SLC39A9: variants seen among roughly 807,000 people sequenced by gnomAD.
The protein encoded by SLC39A9 is zinc transporter ZIP9.
A neutral mutation model predicts 28.4 loss-of-function variants in SLC39A9; 14 were observed. That is an observed-to-expected ratio of 0.49 (90% CI 0.33 to 0.77). The LOEUF (loss-of-function observed/expected upper bound fraction) is 0.77, where lower values mean the gene tolerates loss of function less well. SLC39A9 is among the 30% of genes least tolerant of loss of function. The pLI is 0.02. For missense variants in SLC39A9, 283 were observed against 381.1 expected, an observed-to-expected ratio of 0.74 and a Z score of 2.14; for synonymous variants, 119 against 149.6, an observed-to-expected ratio of 0.80 and a Z score of 1.49.
At chr14:69,440,150 A>G (rs1884972936) in intron 2 of SLC39A9, among the ~76,000 whole-genome samples, 1 of 152,054 alleles carries the variant, frequency 6.6e-6, no homozygotes, top group Non-Finnish European at 1.5e-5. Context: ...AGAACTCACC[A>G]TGTAGTACAC....
intron 2 of SLC39A9, among the ~76,000 whole-genome samples, chr14:69,436,844 T>G (rs972216703): frequency 1.3e-5 from 2 of 152,178 alleles, no homozygotes; most frequent in Admixed American, 6.5e-5. Context: ...CACCACATAG[T>G]TCCATGTGAC....
chr14:69,430,290 CTCTTT>C (rs893062145), intron 2 of SLC39A9, among the ~76,000 whole-genome samples: 1 of 152,148 alleles, frequency 6.6e-6, no homozygotes, highest in Non-Finnish European at 1.5e-5. Flanking sequence ...CAAAGTTATT[CTCTTT>C]TGTTTTCTTC....
intron 3 of SLC39A9, among the ~76,000 whole-genome samples, chr14:69,451,238 G>A (rs1276814687): frequency 6.6e-6 from 1 of 152,134 alleles, no homozygotes; most frequent in East Asian, 1.9e-4. Context: ...ATTAATAAGA[G>A]GTAATATCTT....
chr14:69,402,329 C>T (rs1236668674), intron 1 of SLC39A9, among the ~76,000 whole-genome samples: 1 of 152,042 alleles, frequency 6.6e-6, no homozygotes, highest in African/African-American at 2.4e-5. Flanking sequence ...GGCCCACGAG[C>T]CATGAGTTGG....
chr14:69,405,267 C>T (rs576838060), intron 1 of SLC39A9, among the ~76,000 whole-genome samples: 5 of 152,202 alleles, frequency 3.3e-5, no homozygotes, highest in South Asian at 2.1e-4. Flanking sequence ...TTGAGTTACC[C>T]GCAAATCAAA....
intron 1 of SLC39A9, among the ~76,000 whole-genome samples, chr14:69,420,156 T>C (rs761733801): frequency 2.0e-4 from 31 of 152,358 alleles, no homozygotes; most frequent in Non-Finnish European, 3.8e-4. Flanking sequence ...TTTCCATGTT[T>C]AGTGCTTCCT....
Position 69,462,085 on chromosome 14 carries a change from C to G in SLC39A9, c.*3492C>G, listed in dbSNP as rs1886134736. The stretch of plus-strand genomic sequence containing the variant: ...GTGTAACTTGTGGGAAAGAACTAGA[C>G]AACCATTTAGGAATTCTCTAGATAT... On this transcript the variant is annotated 3_prime_UTR_variant, in exon 7 of 7. Coordinates refer to ENST00000336643, the MANE Select transcript of SLC39A9 (RefSeq NM_018375.5). 1.1e-5 allele frequency: 2 copies of G among 185,864 alleles called. No individual in the cohort carries two copies. The highest frequency in any genetic ancestry group is 4.7e-5 in the African/African-American group (2 of 42,774). The allele number at this position is 185,864 out of a possible 1,614,324, so 11.5% of individuals were successfully genotyped here.
chr14:69,451,332 C>T (rs1197494154), intron 3 of SLC39A9, among the ~76,000 whole-genome samples: 2 of 152,224 alleles, frequency 1.3e-5, no homozygotes, highest in African/African-American at 4.8e-5. Flanking sequence ...CTGTAACTTA[C>T]TTGACTGATG....
chr14:69,400,010 G>T (rs755852863), intron 1 of SLC39A9, among the ~76,000 whole-genome samples: 9 of 152,056 alleles, frequency 5.9e-5, no homozygotes, highest in Admixed American at 1.3e-4. Context: ...GCAGTGAGCC[G>T]TGTTTGGGCC....
chr14:69,419,449 A>G (rs553738934), intron 1 of SLC39A9, among the ~76,000 whole-genome samples: 12 of 152,220 alleles, frequency 7.9e-5, no homozygotes, highest in East Asian at 7.7e-4. Context: ...GATAAGTGCA[A>G]TGTGGTGCTG....
Position 69,459,627 on chromosome 14 carries a change from T to C in SLC39A9, c.*1034T>C. 10 of 984,098 alleles carry C rather than the reference T, an allele frequency of 1.0e-5. No homozygotes were observed. Among genetic ancestry groups the C allele is most frequent in the Non-Finnish European group, 1.2e-5 (10 of 828,848 alleles). The allele number at this position is 984,098 out of a possible 1,614,324, so 61.0% of individuals were successfully genotyped here. ...CTAGGGACCTAAATACTAGGTCAGC[T>C]TTGGCGACACTGTGTCTTCTCACAT... On this transcript the variant is annotated 3_prime_UTR_variant, in exon 7 of 7. Coordinates refer to ENST00000336643, the MANE Select transcript of SLC39A9 (RefSeq NM_018375.5).
At chr14:69,425,695 T>C (rs1034608474) in intron 2 of SLC39A9, among the ~76,000 whole-genome samples, 1 of 152,000 alleles carries the variant, frequency 6.6e-6, no homozygotes, top group African/African-American at 2.4e-5. Flanking sequence ...TGAGACATGG[T>C]CTCACTCTGT....
chr14:69,461,942 T>A lies in SLC39A9; in HGVS notation c.*3349T>A, dbSNP rs558192662. ...GAGGAACCTTCCTTCCATTAGAAAA[T>A]TTCTGCTCAATACAGAATGGTCCAC... On this transcript the variant is annotated 3_prime_UTR_variant, in exon 7 of 7. Transcript: ENST00000336643. 1.9e-6 allele frequency: 1 copy of A among 523,540 alleles called. No homozygotes were observed. The highest frequency in any genetic ancestry group is 1.9e-5 in the African/African-American group (1 of 53,084). 32.4% of individuals were successfully genotyped at this position (523,540 alleles called of 1,614,324 possible).
At chr14:69,438,360 G>A (rs1378304135) in intron 2 of SLC39A9, among the ~76,000 whole-genome samples, 4 of 152,094 alleles carry the variant, frequency 2.6e-5, no homozygotes, top group South Asian at 2.1e-4. Flanking sequence ...ACTTTTCTTC[G>A]TACTTCAAGA....
chr14:69,458,901 AGAG>A lies in SLC39A9; in HGVS notation c.*312_*314del. ...AAGATGGAATTTAGTTTTAAGGAAA[AGAG>A]GAGAACTTCATACTCACAATGAAAT... On this transcript the variant is annotated 3_prime_UTR_variant, in exon 7 of 7. Transcript: ENST00000336643. The A allele has an allele frequency of 5.5e-6, 6 of 1,094,812 alleles. No homozygotes were observed. The highest frequency in any genetic ancestry group is 6.7e-6 in the Non-Finnish European group (6 of 898,770). The allele number at this position is 1,094,812 out of a possible 1,614,324, so 67.8% of individuals were successfully genotyped here.
chr14:69,423,503 G>A (rs751629732), intron 1 of SLC39A9, among the ~76,000 whole-genome samples: 3 of 152,156 alleles, frequency 2.0e-5, no homozygotes, highest in Non-Finnish European at 4.4e-5. Flanking sequence ...GTCTCCAGAG[G>A]TTGTAGCAAT....
At chr14:69,441,985 T>A in intron 2 of SLC39A9, 84 bp from the exon 3 acceptor site, 1 of 1,516,192 alleles carries the variant, frequency 6.6e-7, no homozygotes, top group Non-Finnish European at 8.8e-7. Context: ...AAGTAGAGCT[T>A]GAAATACAAA....
chr14:69,437,594 G>A (rs903961844), intron 2 of SLC39A9, among the ~76,000 whole-genome samples: 1 of 143,440 alleles, frequency 7.0e-6, no homozygotes, highest in African/African-American at 2.6e-5. Context: ...TTTTTTGTTT[G>A]TTTTTTTTTT....
At chr14:69,434,363 C>T (rs960827201) in intron 2 of SLC39A9, among the ~76,000 whole-genome samples, 7 of 149,916 alleles carry the variant, frequency 4.7e-5, no homozygotes, top group Non-Finnish European at 1.0e-4. Context: ...GGATTACAGG[C>T]GTGAGCCACC....
Sources: allele counts gnomAD v4.1 joint callset (sites outside exome capture counted in the v4.1 genomes callset), GRCh38; gene constraint gnomAD v4.1.1; transcripts MANE v1.5; gene names NCBI Gene and HGNC (gene_info 2026-07-23, HGNC 2026-07-21).